LPP: variants seen among roughly 807,000 people sequenced by gnomAD.
LPP encodes LIM domain containing preferred translocation partner in lipoma, also known as lipoma-preferred partner.
Under a neutral mutation model 60.4 loss-of-function variants are expected in LPP, and 38 were observed. That is an observed-to-expected ratio of 0.63 (90% CI 0.49 to 0.83). The LOEUF is 0.83. Ranked by LOEUF, LPP falls within the 40% of genes least tolerant of loss-of-function variation. LPP has a pLI of 0.00. For missense variants in LPP, 902 were observed against 783.6 expected (o/e 1.15, Z -1.80); for synonymous variants, 328 against 290.8 (o/e 1.13, Z -1.30).
intron 6 of LPP, among the ~76,000 whole-genome samples, chr3:188,543,687 G>C (rs1208167323): frequency 6.6e-6 from 1 of 152,184 alleles, no homozygotes; most frequent in African/African-American, 2.4e-5. Flanking sequence ...AATAGGTAGA[G>C]TTTGATTACA....
At chr3:188,159,242 G>A (rs752956556) in intron 1 of LPP, among the ~76,000 whole-genome samples, 14 of 152,108 alleles carry the variant, frequency 9.2e-5, no homozygotes, top group African/African-American at 2.2e-4. Flanking sequence ...TAGCTTCTGC[G>A]TCCTCTAGGA....
intron 6 of LPP, among the ~76,000 whole-genome samples, chr3:188,527,760 T>G (rs574661726): frequency 6.6e-6 from 1 of 151,638 alleles, no homozygotes; most frequent in Non-Finnish European, 1.5e-5. Context: ...TTTCCTTTTT[T>G]TTTTTTGTAA....
chr3:188,665,227 T>C (rs989895975), intron 7 of LPP, among the ~76,000 whole-genome samples: 71 of 152,312 alleles, frequency 4.7e-4, no homozygotes, highest in Admixed American at 3.3e-3. Context: ...TTTTCTGTGT[T>C]GAATGGGCTA....
At chr3:188,210,538 A>T (rs1734423370) in intron 1 of LPP, among the ~76,000 whole-genome samples, 1 of 152,178 alleles carries the variant, frequency 6.6e-6, no homozygotes, top group African/African-American at 2.4e-5. Flanking sequence ...AATGGCCTTT[A>T]TGGCCACTTC....
At chr3:188,260,744 G>T (rs1733307239) in intron 2 of LPP, among the ~76,000 whole-genome samples, 1 of 152,012 alleles carries the variant, frequency 6.6e-6, no homozygotes, top group Non-Finnish European at 1.5e-5. Context: ...AAAAGAAAGT[G>T]TTTCTGGGCT....
intron 7 of LPP, among the ~76,000 whole-genome samples, chr3:188,688,356 C>G (rs958379899): frequency 2.0e-5 from 3 of 152,216 alleles, no homozygotes; most frequent in Admixed American, 2.0e-4. Flanking sequence ...TGAAACCTTC[C>G]TGATGCCTTC....
At chr3:188,797,213 C>T (rs1393331337) in intron 9 of LPP, among the ~76,000 whole-genome samples, 2 of 152,004 alleles carry the variant, frequency 1.3e-5, no homozygotes, top group African/African-American at 4.8e-5. Flanking sequence ...GCTCTGGTAA[C>T]CTAACATAGC....
intron 6 of LPP, among the ~76,000 whole-genome samples, chr3:188,599,680 T>C (rs1181700619): frequency 6.6e-6 from 1 of 151,586 alleles, no homozygotes; most frequent in East Asian, 1.9e-4. Context: ...GAATAAGTGC[T>C]GATACATTTC....
At chr3:188,340,310 A>G (rs530940699) in intron 2 of LPP, among the ~76,000 whole-genome samples, 334 of 152,256 alleles carry the variant, frequency 2.2e-3, no homozygotes, top group Non-Finnish European at 3.7e-3. Context: ...CAAGCTATAA[A>G]ATAAAGCATG....
In LPP at chr3:188,484,577, ACTT is replaced by A. The variant is rs756863400; in HGVS notation, c.194-11_194-9del. 38 of 1,553,696 alleles carry A rather than the reference ACTT, an allele frequency of 2.4e-5. No individual in the cohort carries two copies. Among genetic ancestry groups the A allele is most frequent in the Non-Finnish European group, 3.1e-5 (35 of 1,126,072 alleles). On this transcript the variant is annotated splice_polypyrimidine_tract_variant and intron_variant, in intron 4 of 11. Transcript: ENST00000617246. ...CATCCTTATTAACTTCATGTTGTTT[ACTT>A]CTTTTCTGTAGGTGATTTTCTTCCA...
intron 9 of LPP, among the ~76,000 whole-genome samples, chr3:188,777,049 T>TAA (rs967354584): frequency 6.6e-6 from 1 of 152,224 alleles, no homozygotes; most frequent in African/African-American, 2.4e-5. Context: ...CCAGTTATGT[T>TAA]AATTATACAT....
At chr3:188,776,438 T>G (rs1419883043) in intron 9 of LPP, among the ~76,000 whole-genome samples, 1 of 152,190 alleles carries the variant, frequency 6.6e-6, no homozygotes, top group Non-Finnish European at 1.5e-5. Flanking sequence ...TTGTTGAGCA[T>G]TCATTATATG....
chr3:188,166,947 T>G (rs1217511143), intron 1 of LPP, among the ~76,000 whole-genome samples: 1 of 152,248 alleles, frequency 6.6e-6, no homozygotes, highest in African/African-American at 2.4e-5. Flanking sequence ...TGACTTTTCC[T>G]TATAGAGGTT....
intron 4 of LPP, among the ~76,000 whole-genome samples, chr3:188,433,109 A>AC (rs1553897077): frequency 2.0e-5 from 3 of 152,084 alleles, no homozygotes; most frequent in African/African-American, 7.2e-5. Flanking sequence ...AACTCAGAAC[A>AC]TTTTTTTAGT....
chr3:188,775,638 G>C (rs1390836924), intron 9 of LPP, among the ~76,000 whole-genome samples: 2 of 152,168 alleles, frequency 1.3e-5, no homozygotes, highest in African/African-American at 4.8e-5. Flanking sequence ...GGCAGTGTCT[G>C]CAGGTTACTC....
intron 7 of LPP, among the ~76,000 whole-genome samples, chr3:188,655,242 A>C (rs1385566724): frequency 6.6e-6 from 1 of 152,202 alleles, no homozygotes; most frequent in Non-Finnish European, 1.5e-5. Flanking sequence ...CTGTTCTTCC[A>C]TTAACTAGAA....
At chr3:188,198,914 T>C (rs953661491) in intron 1 of LPP, among the ~76,000 whole-genome samples, 1 of 152,108 alleles carries the variant, frequency 6.6e-6, no homozygotes. Flanking sequence ...TGTAGCAAAT[T>C]ACCCCCAAAC....
At chr3:188,793,653 G>A (rs1403240980) in intron 9 of LPP, among the ~76,000 whole-genome samples, 1 of 152,112 alleles carries the variant, frequency 6.6e-6, no homozygotes, top group African/African-American at 2.4e-5. Flanking sequence ...AGGCCTTCTT[G>A]GAAGCTGTCT....
chr3:188,334,296 A>T (rs1760975128), intron 2 of LPP, among the ~76,000 whole-genome samples: 1 of 149,854 alleles, frequency 6.7e-6, no homozygotes, highest in Non-Finnish European at 1.5e-5. Context: ...TTGATTCCTT[A>T]TCTTGGCTGT....
Sources: allele counts gnomAD v4.1 joint callset (sites outside exome capture counted in the v4.1 genomes callset), GRCh38; gene constraint gnomAD v4.1.1; transcripts MANE v1.5; gene names NCBI Gene and HGNC (gene_info 2026-07-23, HGNC 2026-07-21).